TRIM58: variants seen among roughly 807,000 people sequenced by gnomAD.
TRIM58 encodes the protein E3 ubiquitin-protein ligase TRIM58.
TRIM58 carries 38 observed loss-of-function variants against 34.1 expected under a neutral mutation model. The ratio of observed to expected loss-of-function variants is 1.12; its 90% CI spans 0.86 to 1.46. TRIM58 has a LOEUF of 1.46. Ranked by LOEUF, TRIM58 falls within the 40% of genes most tolerant of loss-of-function variation. The pLI is 0.00. For missense variants in TRIM58, 677 were observed against 642.0 expected (o/e 1.05, Z -0.59); for synonymous variants, 273 against 275.7 (o/e 0.99, Z 0.10).
At position 247,864,699 on chromosome 1, in the gene TRIM58, C is replaced by T. The variant is rs1188943721; in HGVS notation, c.517-6C>T. The T allele has an allele frequency of 6.2e-7, 1 of 1,613,610 alleles. No individual in the cohort carries two copies. The highest frequency in any genetic ancestry group is 1.3e-5 in the African/African-American group (1 of 74,914). The stretch of plus-strand genomic sequence containing the variant: ...ACTGACGATGTGATCCACGGTGTCA[C>T]CTCAGGAGAAAGTGGAAATGCAGAG... On this transcript the variant is annotated splice_region_variant and splice_polypyrimidine_tract_variant and intron_variant, in intron 2 of 5. Coordinates refer to ENST00000366481, the MANE Select transcript of TRIM58 (RefSeq NM_015431.4).
In TRIM58 at chr1:247,876,576, C is replaced by G; in HGVS notation, c.*87C>G. 5 of 1,006,762 alleles carry G rather than the reference C, an allele frequency of 5.0e-6. No homozygotes were observed. Among genetic ancestry groups the G allele is most frequent in the Non-Finnish European group, 7.2e-6 (5 of 693,704 alleles). The allele number at this position is 1,006,762 out of a possible 1,614,324, so 62.4% of individuals were successfully genotyped here. A position where few individuals can be genotyped will look rare whatever the true frequency, so the allele number is the denominator to read the frequency against. Reference sequence around the variant, plus strand: ...TCAATATACTAAGTTTTAACAGATACCCCATTTAGGTCAGCACTTGATTCG... The same window carrying G: ...TCAATATACTAAGTTTTAACAGATAGCCCATTTAGGTCAGCACTTGATTCG... On this transcript the variant is annotated 3_prime_UTR_variant, in exon 6 of 6. Transcript: ENST00000366481.
At chr1:247,874,457 T>C (rs1011875135) in intron 5 of TRIM58, among the ~76,000 whole-genome samples, 25 of 152,100 alleles carry the variant, frequency 1.6e-4, no homozygotes, top group African/African-American at 5.6e-4. Context: ...ACCTTCAACA[T>C]TGGGAATCAC....
chr1:247,868,766 G>C (rs1354948315), intron 5 of TRIM58, among the ~76,000 whole-genome samples: 1 of 152,198 alleles, frequency 6.6e-6, no homozygotes, highest in Non-Finnish European at 1.5e-5. Context: ...CGTTACAGAG[G>C]CTAGAGATGA....
chr1:247,873,449 G>A (rs1261142652), intron 5 of TRIM58, among the ~76,000 whole-genome samples: 3 of 152,124 alleles, frequency 2.0e-5, no homozygotes, highest in Non-Finnish European at 4.4e-5. Context: ...AAGAGGAATG[G>A]CTTGGGAATA....
chr1:247,864,303 G>A (rs1317636883), intron 2 of TRIM58, among the ~76,000 whole-genome samples: 2 of 151,902 alleles, frequency 1.3e-5, no homozygotes, highest in African/African-American at 2.4e-5. Context: ...CACCATGCCT[G>A]GTCGGTTCAT....
Position 247,876,043 on chromosome 1 carries a change from C to T in TRIM58, c.1015C>T (p.Gln339Ter). ...CACATGGCCCTGCATCCTGGGTTTG[C>T]AGAGCTTCTCATCAGGGAGGCATTA... ...FDTWPCILGL[Q>*]SFSSGRHYWE... is the part of the protein sequence containing the mutation. The change falls in exon 6 of 6, where the codon CAG (glutamine) becomes TAG (stop). Residue 339 changes from glutamine (Q) to a stop codon, truncating the protein, a stop_gained. Transcript: ENST00000366481. LOFTEE classifies it low-confidence loss of function (END_TRUNC). 1 of 1,614,178 alleles carries T rather than the reference C, an allele frequency of 6.2e-7. No individual in the cohort carries two copies. Among genetic ancestry groups the T allele is most frequent in the South Asian group, 1.1e-5 (1 of 91,082 alleles).
intron 1 of TRIM58, among the ~76,000 whole-genome samples, chr1:247,859,189 CTT>C (rs1352935696): frequency 6.6e-6 from 1 of 152,136 alleles, no homozygotes; most frequent in Non-Finnish European, 1.5e-5. Flanking sequence ...CCATAGCTCT[CTT>C]GTCTTAACCA....
intron 3 of TRIM58, among the ~76,000 whole-genome samples, chr1:247,866,859 C>T (rs947426924): frequency 6.6e-6 from 1 of 152,148 alleles, no homozygotes; most frequent in Non-Finnish European, 1.5e-5. Flanking sequence ...TTCCCTGGTA[C>T]TAATAAGCTA....
At chr1:247,871,818 C>T (rs73139869) in intron 5 of TRIM58, among the ~76,000 whole-genome samples, 6,171 of 152,194 alleles carry the variant, frequency 0.041, 434 homozygotes, top group African/African-American at 0.14. Context: ...TGTACTTCAC[C>T]AAAATACACA....
At chr1:247,857,783 C>T in intron 1 of TRIM58, 117 bp downstream of exon 1, 3 of 1,178,168 alleles carry the variant, frequency 2.5e-6, no homozygotes, top group South Asian at 4.3e-5. Context: ...GCCGCTCCCC[C>T]CACCGCGCGC....
chr1:247,864,736 G>T lies in TRIM58; in HGVS notation c.548G>T (p.Arg183Ile). ...EKVEMQRQRF[R>I]LEFEKHRGFL... is the part of the protein sequence containing the mutation. ...GTGGAAATGCAGAGGCAGCGCTTCA[G>T]ATTGGAGTTTGAGAAGCATCGTGGC... Residue 183 changes from arginine (R) to isoleucine (I), a missense_variant, in exon 3 of 6, where the codon AGA becomes ATA. Coordinates refer to ENST00000366481, the MANE Select transcript of TRIM58 (RefSeq NM_015431.4). The T allele has an allele frequency of 6.2e-7, 1 of 1,614,214 alleles. No homozygotes were observed. The highest frequency in any genetic ancestry group is 1.1e-5 in the South Asian group (1 of 91,084).
At chr1:247,870,985 G>A in intron 5 of TRIM58, among the ~76,000 whole-genome samples, 1 of 140,376 alleles carries the variant, frequency 7.1e-6, no homozygotes, top group Non-Finnish European at 1.5e-5. Flanking sequence ...CCGTATCAGA[G>A]TCACGGCCAC....
At chr1:247,859,094 T>C (rs1014898704) in intron 1 of TRIM58, among the ~76,000 whole-genome samples, 3 of 152,084 alleles carry the variant, frequency 2.0e-5, no homozygotes, top group African/African-American at 7.2e-5. Context: ...ATATTTTCAG[T>C]AGTTCTTCGG....
chr1:247,874,814 T>TGGCCA (rs1489333419), intron 5 of TRIM58, among the ~76,000 whole-genome samples: 4 of 152,220 alleles, frequency 2.6e-5, no homozygotes, highest in Admixed American at 1.3e-4. Context: ...ATATGGGTGT[T>TGGCCA]GGCCAGGCCA....
rs1281176631 is a variant in TRIM58 at position 247,857,460 on chromosome 1, A to T, written c.214A>T (p.Asn72Tyr). 3 of 1,391,524 alleles carry T rather than the reference A, an allele frequency of 2.2e-6. No individual in the cohort carries two copies. In the East Asian group the frequency reaches 8.8e-5, roughly 41 times the overall value. The allele number at this position is 1,391,524 out of a possible 1,614,324, so 86.2% of individuals were successfully genotyped here. ...CTTCCGGCCCTCGGGCTTTCGCCCC[A>T]ACCGGCAGCTGGCGGGCCTGGTGGA... ...GPFRPSGFRP[N>Y]RQLAGLVESV... The change falls in exon 1 of 6, where the codon AAC becomes TAC. Residue 72 changes from asparagine to tyrosine, a missense_variant. By Grantham distance (143) the Asn-to-Tyr change is moderately radical (BLOSUM62 -2). Transcript: ENST00000366481.
chr1:247,865,876 G>A lies in TRIM58; in HGVS notation c.747+941G>A, dbSNP rs1206284342. Among the ~76,000 whole-genome samples, 4 of 152,148 alleles carry A rather than the reference G, an allele frequency of 2.6e-5. 1 individual carries two copies. The highest frequency in any genetic ancestry group is 7.2e-5 in the African/African-American group (3 of 41,492). On this transcript the variant is annotated intron_variant, in intron 3 of 5. Transcript: ENST00000366481. ...TGTTCTCATTTAAAAGCTGACCCAC[G>A]GATTCCACCTTTTCTGACTCAGTTC...
intron 1 of TRIM58, among the ~76,000 whole-genome samples, chr1:247,859,664 C>G (rs1663734573): frequency 6.6e-6 from 1 of 151,988 alleles, no homozygotes; most frequent in African/African-American, 2.4e-5. Flanking sequence ...CAAGTTCCTT[C>G]TGACCTAATA....
chr1:247,867,114 A>G (rs1041805521), intron 3 of TRIM58, among the ~76,000 whole-genome samples: 2 of 152,172 alleles, frequency 1.3e-5, no homozygotes, highest in African/African-American at 4.8e-5. Context: ...ATCTATTTAG[A>G]TAACCTCCTC....
chr1:247,869,261 T>C (rs1664003660), intron 5 of TRIM58, among the ~76,000 whole-genome samples: 1 of 152,166 alleles, frequency 6.6e-6, no homozygotes, highest in Admixed American at 6.5e-5. Flanking sequence ...GATTAGATCA[T>C]AGGCCATTGG....
Sources: gnomAD v4.1 joint callset for allele counts (sites outside exome capture counted in the v4.1 genomes callset) on GRCh38, gnomAD v4.1.1 for gene constraint, MANE v1.5 for transcripts, NCBI Gene and HGNC (gene_info 2026-07-23, HGNC 2026-07-21) for gene names.